MAP3K13: variants seen among roughly 807,000 people sequenced by gnomAD.
The protein encoded by MAP3K13 is mitogen-activated protein kinase kinase kinase 13, also known as leucine zipper-bearing kinase.
A neutral mutation model predicts 104.0 loss-of-function variants in MAP3K13; 52 were observed. The ratio of observed to expected loss-of-function variants is 0.50; its 90% CI spans 0.40 to 0.63. MAP3K13 has a LOEUF of 0.63. Among genes scored for constraint, MAP3K13 ranks in the 20% least tolerant of loss-of-function variants. MAP3K13 has a pLI of 0.00. For missense variants in MAP3K13, 914 were observed against 1,218.5 expected, an observed-to-expected ratio of 0.75 and a Z score of 3.72; for synonymous variants, 394 against 442.2, an observed-to-expected ratio of 0.89 and a Z score of 1.37.
intron 2 of MAP3K13, chr3:185,291,771 A>C: frequency 6.8e-7 from 1 of 1,461,838 alleles, no homozygotes. Context: ...GTACAAGCTT[A>C]AAGGGGCTAA....
chr3:185,453,947 CAT>C (rs1267554377), intron 7 of MAP3K13, among the ~76,000 whole-genome samples: 3 of 38,350 alleles, frequency 7.8e-5, no homozygotes, highest in African/African-American at 2.3e-4. Flanking sequence ...ATATATGATA[CAT>C]ATATATGAGA....
chr3:185,373,865 T>C (rs1375788002), intron 1 of MAP3K13, among the ~76,000 whole-genome samples: 4 of 147,338 alleles, frequency 2.7e-5, no homozygotes, highest in Non-Finnish European at 4.5e-5. Flanking sequence ...CAGCGGCTGT[T>C]TATTTCACCT....
intron 2 of MAP3K13, among the ~76,000 whole-genome samples, chr3:185,303,400 T>A (rs1032607887): frequency 6.6e-6 from 1 of 152,318 alleles, no homozygotes; most frequent in Middle Eastern, 3.4e-3. Context: ...CAGTGTTAAT[T>A]CTTCTTTAAA....
intron 7 of MAP3K13, among the ~76,000 whole-genome samples, chr3:185,454,766 A>T (rs1400800573): frequency 1.0e-5 from 1 of 95,618 alleles, no homozygotes; most frequent in African/African-American, 4.1e-5. Context: ...GATATATATG[A>T]CATATATATG....
intron 1 of MAP3K13, among the ~76,000 whole-genome samples, chr3:185,378,546 A>G (rs1015316971): frequency 6.6e-6 from 1 of 152,102 alleles, no homozygotes; most frequent in Non-Finnish European, 1.5e-5. Context: ...TAGAAGGATT[A>G]TAGGGTCGGG....
intron 1 of MAP3K13, among the ~76,000 whole-genome samples, chr3:185,386,300 A>C (rs1168619735): frequency 6.6e-6 from 1 of 152,226 alleles, no homozygotes; most frequent in Non-Finnish European, 1.5e-5. Flanking sequence ...GTGGCCAACA[A>C]ACATATCAAA....
chr3:185,349,438 G>C (rs1185373694), intron 2 of MAP3K13, among the ~76,000 whole-genome samples: 1 of 143,140 alleles, frequency 7.0e-6, no homozygotes, highest in Non-Finnish European at 1.5e-5. Flanking sequence ...TGCAGCAAAG[G>C]ACATGACTTC....
At chr3:185,417,792 G>C (rs1219959847) in intron 1 of MAP3K13, 1 of 1,612,018 alleles carries the variant, frequency 6.2e-7, no homozygotes, top group African/African-American at 1.3e-5. Context: ...TTGCATATGG[G>C]TTTAGCTTCA....
Position 185,418,743 on chromosome 3 carries a change from G to A in MAP3K13, c.-85-9754G>A, listed in dbSNP as rs1713950379. On this transcript the variant is annotated intron_variant, in intron 1 of 13. Transcript: ENST00000265026. This position sits in a 1 kb window ranked among gnomAD's most constrained non-coding sequence, Gnocchi z 4.5. ...TTTTGCCAGATGACTCCCCCTTTTC[G>A]GAGTACACCGATATCATTGGGCGAG... The A allele has an allele frequency of 6.8e-6, 11 of 1,609,286 alleles. No individual in the cohort carries two copies. The highest frequency in any genetic ancestry group is 9.4e-6 in the Non-Finnish European group (11 of 1,176,436).
At chr3:185,438,235 G>C (rs2148889624) in intron 3 of MAP3K13, among the ~76,000 whole-genome samples, 1 of 152,156 alleles carries the variant, frequency 6.6e-6, no homozygotes, top group African/African-American at 2.4e-5. Context: ...GGTTGAGGCT[G>C]TGTTGAGCCA....
At chr3:185,321,120 A>G (rs1721847045) in intron 2 of MAP3K13, among the ~76,000 whole-genome samples, 1 of 151,762 alleles carries the variant, frequency 6.6e-6, no homozygotes, top group South Asian at 2.1e-4. Flanking sequence ...ATGCGTGCAC[A>G]CACATATACA....
intron 1 of MAP3K13, among the ~76,000 whole-genome samples, chr3:185,399,405 C>T (rs1712623388): frequency 6.6e-6 from 1 of 151,620 alleles, no homozygotes; most frequent in East Asian, 1.9e-4. Flanking sequence ...GAGTTCCAGA[C>T]CAGCCTGGCC....
chr3:185,379,438 G>A (rs975222515), intron 1 of MAP3K13, among the ~76,000 whole-genome samples: 3 of 152,180 alleles, frequency 2.0e-5, no homozygotes, highest in African/African-American at 7.2e-5. Flanking sequence ...TTGGAGAAGA[G>A]AGTAAAAAGA....
rs1333353186 is a variant in MAP3K13, at chr3:185,455,847, TATATATGAG to T, written c.1278+4459_1278+4467del. Among the ~76,000 whole-genome samples the T allele has an allele frequency of 4.3e-3, 435 of 100,412 alleles. 27 individuals carry two copies. The highest frequency in any genetic ancestry group is 0.024 in the Middle Eastern group (3 of 124). The allele number at this position is 100,412 out of a possible 152,430, so 65.9% of individuals were successfully genotyped here. On this transcript the variant is annotated intron_variant, in intron 7 of 13. Coordinates refer to ENST00000265026, the MANE Select transcript of MAP3K13 (RefSeq NM_004721.5). Reference sequence around the variant, plus strand: ...ATATATATGAGATATATATATGAGATATATATGAGATATATATGAGATATAGATGAGATA... The same window carrying T: ...ATATATATGAGATATATATATGAGATATATATATGAGATATAGATGAGATA...
intron 10 of MAP3K13, among the ~76,000 whole-genome samples, chr3:185,468,077 G>A (rs190428838): frequency 3.4e-4 from 52 of 152,088 alleles, no homozygotes; most frequent in African/African-American, 1.1e-3. Context: ...GAGATGATGC[G>A]AAACCATTCA....
intron 3 of MAP3K13, among the ~76,000 whole-genome samples, chr3:185,440,208 G>T (rs2148890634): frequency 6.6e-6 from 1 of 152,222 alleles, no homozygotes. Context: ...GGGAAGAAAA[G>T]GTAGCAATTA....
intron 10 of MAP3K13, among the ~76,000 whole-genome samples, chr3:185,470,094 C>T (rs1439151396): frequency 6.6e-6 from 1 of 152,184 alleles, no homozygotes; most frequent in Non-Finnish European, 1.5e-5. Flanking sequence ...TGCTGCTCTC[C>T]ACTTCAACCG....
At chr3:185,456,785 A>G (rs942535836) in intron 7 of MAP3K13, among the ~76,000 whole-genome samples, 2 of 151,838 alleles carry the variant, frequency 1.3e-5, no homozygotes, top group Non-Finnish European at 2.9e-5. Context: ...TATTTTTAGT[A>G]GAGACAGGTT....
At chr3:185,284,133 C>T (rs948816638) in intron 1 of MAP3K13, among the ~76,000 whole-genome samples, 2 of 151,738 alleles carry the variant, frequency 1.3e-5, no homozygotes, top group Non-Finnish European at 2.9e-5. Context: ...CCACTACGCG[C>T]GGCCACTTTC....
Sources: gnomAD v4.1 joint callset for allele counts (sites outside exome capture counted in the v4.1 genomes callset) on GRCh38, gnomAD v4.1.1 for gene constraint, Gnocchi (gnomAD v3.1) non-coding constraint, MANE v1.5 for transcripts, NCBI Gene and HGNC (gene_info 2026-07-23, HGNC 2026-07-21) for gene names.